The following CSNK1A1 variants were observed in gnomAD, a reference collection of about 807,000 sequenced individuals.
The protein encoded by CSNK1A1 is casein kinase I isoform alpha.
Under a neutral mutation model 46.1 loss-of-function variants are expected in CSNK1A1, and 7 were observed. The observed-to-expected ratio is 0.15, with a 90% CI of 0.09 to 0.29. The LOEUF (loss-of-function observed/expected upper bound fraction) is 0.29, where lower values mean the gene tolerates loss of function less well. Ranked by LOEUF, CSNK1A1 falls within the 10% of genes least tolerant of loss-of-function variation. The pLI, the probability that CSNK1A1 is intolerant of heterozygous loss-of-function variation, is 1.00. For synonymous variants in CSNK1A1, 137 were observed against 141.5 expected (o/e 0.97, Z 0.23); for missense variants, 96 against 417.1 (o/e 0.23, Z 6.71).
chr5:149,527,683 T>C (rs1761764301), intron 2 of CSNK1A1, among the ~76,000 whole-genome samples: 1 of 152,186 alleles, frequency 6.6e-6, no homozygotes, highest in Non-Finnish European at 1.5e-5. Flanking sequence ...CCCTCTTCCT[T>C]TTTATGTGAT....
At chr5:149,513,336 G>GA in intron 4 of CSNK1A1, 127 bp from the exon 5 acceptor site, 1 of 892,442 alleles carries the variant, frequency 1.1e-6, no homozygotes, top group South Asian at 1.9e-5. Flanking sequence ...AGTATTAATA[G>GA]AACAGATAAT....
chr5:149,546,023 G>C (rs901111212), intron 2 of CSNK1A1, among the ~76,000 whole-genome samples: 8 of 151,470 alleles, frequency 5.3e-5, no homozygotes, highest in African/African-American at 1.2e-4. Context: ...TGAGTAGCTG[G>C]CACTACAGGC....
chr5:149,503,516 G>C, intron 9 of CSNK1A1: 1 of 985,200 alleles, frequency 1.0e-6, no homozygotes, highest in Non-Finnish European at 1.2e-6. Flanking sequence ...AATTTTTCAA[G>C]TCCATGTTTA....
At chr5:149,522,486 A>T (rs990437401) in intron 3 of CSNK1A1, among the ~76,000 whole-genome samples, 1 of 152,220 alleles carries the variant, frequency 6.6e-6, no homozygotes, top group Non-Finnish European at 1.5e-5. Flanking sequence ...TGCCAACATT[A>T]TCTTTCTGTC....
At chr5:149,507,976 TATC>T (rs1413812596) in intron 7 of CSNK1A1, among the ~76,000 whole-genome samples, 1 of 152,152 alleles carries the variant, frequency 6.6e-6, no homozygotes, top group Non-Finnish European at 1.5e-5. Flanking sequence ...AGGCTCTAGG[TATC>T]AGTCACCAAA....
chr5:149,539,066 G>A (rs1385808047), intron 2 of CSNK1A1, among the ~76,000 whole-genome samples: 2 of 152,116 alleles, frequency 1.3e-5, no homozygotes, highest in East Asian at 3.8e-4. Flanking sequence ...TTTCTAGAAT[G>A]CATTATTGTA....
At chr5:149,541,396 G>A (rs999531944) in intron 2 of CSNK1A1, among the ~76,000 whole-genome samples, 8 of 151,816 alleles carry the variant, frequency 5.3e-5, no homozygotes, top group Admixed American at 4.6e-4. Flanking sequence ...CAAGTGATCC[G>A]CCCGCCTTGG....
At chr5:149,519,957 G>C (rs920067994) in intron 4 of CSNK1A1, among the ~76,000 whole-genome samples, 1 of 152,156 alleles carries the variant, frequency 6.6e-6, no homozygotes, top group African/African-American at 2.4e-5. Context: ...AGGAAGAAAA[G>C]AATATGGGGG....
chr5:149,512,582 C>A (rs552514117), intron 5 of CSNK1A1, among the ~76,000 whole-genome samples: 8 of 152,034 alleles, frequency 5.3e-5, no homozygotes, highest in Non-Finnish European at 1.2e-4. Flanking sequence ...GAGACTGTTA[C>A]TTTTTTTACT....
chr5:149,507,814 T>C (rs771319238), intron 7 of CSNK1A1, among the ~76,000 whole-genome samples: 25 of 152,212 alleles, frequency 1.6e-4, no homozygotes, highest in Admixed American at 3.9e-4. Context: ...CTACCTAGTA[T>C]ATACATCATT....
At chr5:149,519,109 A>G (rs920599129) in intron 4 of CSNK1A1, among the ~76,000 whole-genome samples, 2 of 152,226 alleles carry the variant, frequency 1.3e-5, no homozygotes, top group South Asian at 2.1e-4. Context: ...GAATGACAAG[A>G]TAAGTTATGT....
intron 2 of CSNK1A1, among the ~76,000 whole-genome samples, chr5:149,526,122 C>T (rs1391228715): frequency 6.6e-6 from 1 of 151,922 alleles, no homozygotes; most frequent in Non-Finnish European, 1.5e-5. Flanking sequence ...TTCCTTCCTC[C>T]TTATTTATCT....
chr5:149,498,119 A>C (rs1760714703), intron 9 of CSNK1A1: 2 of 985,200 alleles, frequency 2.0e-6, no homozygotes, highest in African/African-American at 3.5e-5. Flanking sequence ...GGTGGGAGCC[A>C]CCGTGCCCAG....
rs760232109 is a variant in CSNK1A1, at chr5:149,511,760, G to C, written c.675+34C>G. ...ATATATATTTTTATTCTAAAAAAGA[G>C]AGAGAAAAATCTGATAATGTGAGTC... On this transcript the variant is annotated intron_variant, in intron 6 of 9. Transcript: ENST00000377843. 2.8e-6 allele frequency: 4 copies of C among 1,405,030 alleles called. No homozygotes were observed. In the South Asian group the frequency reaches 5.1e-5, roughly 18 times the overall value. The allele number at this position is 1,405,030 out of a possible 1,614,324, so 87.0% of individuals were successfully genotyped here. A position where few individuals can be genotyped will look rare whatever the true frequency, so the allele number is the denominator to read the frequency against.
chr5:149,507,619 G>A (rs984910869), intron 7 of CSNK1A1, among the ~76,000 whole-genome samples: 10 of 151,976 alleles, frequency 6.6e-5, no homozygotes, highest in African/African-American at 2.2e-4. Context: ...GAGCTACCAC[G>A]CCCAGCTAAT....
chr5:149,499,620 CTT>C (rs35603016), intron 9 of CSNK1A1, among the ~76,000 whole-genome samples: 6 of 144,112 alleles, frequency 4.2e-5, no homozygotes, highest in African/African-American at 2.5e-5. Flanking sequence ...AAAAGATATG[CTT>C]TTTTTTTTTT....
chr5:149,548,840 C>G (rs1389633875), intron 2 of CSNK1A1, among the ~76,000 whole-genome samples: 1 of 152,122 alleles, frequency 6.6e-6, no homozygotes, highest in Non-Finnish European at 1.5e-5. Context: ...ACCACAAGAG[C>G]GAAAACTCCG....
At chr5:149,534,125 T>G (rs1172155079) in intron 2 of CSNK1A1, among the ~76,000 whole-genome samples, 1 of 152,114 alleles carries the variant, frequency 6.6e-6, no homozygotes, top group Admixed American at 6.6e-5. Context: ...AGATGACAAG[T>G]GTAATATAAA....
chr5:149,499,319 G>A, intron 9 of CSNK1A1: 1 of 640,392 alleles, frequency 1.6e-6, no homozygotes, highest in East Asian at 2.1e-4. Flanking sequence ...GAGGGGGAGG[G>A]GGGAGTTAAA....
Sources: allele counts gnomAD v4.1 joint callset (sites outside exome capture counted in the v4.1 genomes callset), GRCh38; gene constraint gnomAD v4.1.1; transcripts MANE v1.5; gene names NCBI Gene and HGNC (gene_info 2026-07-23, HGNC 2026-07-21).